The following LGR6 variants were observed in gnomAD, a reference collection of about 807,000 sequenced individuals.
The protein encoded by LGR6 is leucine rich repeat containing G protein-coupled receptor 6.
LGR6 carries 45 observed loss-of-function variants against 69.4 expected under a neutral mutation model. That is an observed-to-expected ratio of 0.65 (90% CI 0.51 to 0.83). The LOEUF is 0.83. Among genes scored for constraint, LGR6 ranks in the 40% least tolerant of loss-of-function variants. The probability of loss-of-function intolerance (pLI) is 0.00; values close to 1 mark genes in which losing one functional copy is unlikely to be tolerated. For missense variants in LGR6, 1,108 were observed against 1,246.7 expected, an observed-to-expected ratio of 0.89 and a Z score of 1.68; for synonymous variants, 538 against 555.0, an observed-to-expected ratio of 0.97 and a Z score of 0.43.
chr1:202,217,121 G>C (rs79509091), intron 1 of LGR6, among the ~76,000 whole-genome samples: 12,040 of 152,262 alleles, frequency 0.079, 627 homozygotes, highest in African/African-American at 0.13. Context: ...GCTGAGGGTG[G>C]GGACCGGCCC....
In LGR6 at chr1:202,297,393, C is replaced by T. The variant is rs1667238693; in HGVS notation, c.717-115C>T. On this transcript the variant is annotated intron_variant, in intron 6 of 17. Transcript: ENST00000367278. ...TCCAGACATTGGCCGCTGGATCCAA[C>T]AGATTGGAAAACCCATCTCCCTGGC... 5.2e-6 allele frequency: 4 copies of T among 771,276 alleles called. No individual in the cohort carries two copies. The East Asian group carries it at 1.0e-4, about 19-fold the overall frequency. The allele number at this position is 771,276 out of a possible 1,614,324, so 47.8% of individuals were successfully genotyped here. A position where few individuals can be genotyped will look rare whatever the true frequency, so the allele number is the denominator to read the frequency against.
At chr1:202,241,721 G>C (rs371770099) in intron 4 of LGR6, among the ~76,000 whole-genome samples, 1 of 152,118 alleles carries the variant, frequency 6.6e-6, no homozygotes, top group African/African-American at 2.4e-5. Flanking sequence ...TGGGGGCTGC[G>C]CTGGTCTGGG....
chr1:202,214,180 C>T (rs10920362), intron 1 of LGR6: 677,516 of 1,522,474 alleles, frequency 0.45, 152,911 homozygotes, highest in African/African-American at 0.48. Context: ...GAGGGCCGCT[C>T]AGCGAGGGCG....
chr1:202,238,642 C>T (rs1558026458), intron 4 of LGR6, among the ~76,000 whole-genome samples: 3 of 151,966 alleles, frequency 2.0e-5, no homozygotes, highest in Non-Finnish European at 4.4e-5. Flanking sequence ...CCAGGCTGGT[C>T]TCGAACTCCT....
At chr1:202,229,657 T>G (rs557256929) in intron 3 of LGR6, among the ~76,000 whole-genome samples, 1 of 152,334 alleles carries the variant, frequency 6.6e-6, no homozygotes, top group South Asian at 2.1e-4. Context: ...TTTCTGCAAA[T>G]GGCACCCTTG....
At chr1:202,207,546 G>A (rs1420095601) in intron 1 of LGR6, among the ~76,000 whole-genome samples, 1 of 152,168 alleles carries the variant, frequency 6.6e-6, no homozygotes, top group African/African-American at 2.4e-5. Context: ...TTGAAAGGGA[G>A]GGCAGAGGGC....
At chr1:202,204,741 A>G (rs1459837501) in intron 1 of LGR6, among the ~76,000 whole-genome samples, 9 of 29,896 alleles carry the variant, frequency 3.0e-4, no homozygotes, top group Non-Finnish European at 5.3e-4. Context: ...ACACACACAC[A>G]CCTCCAAACA....
chr1:202,304,733 T>A, intron 11 of LGR6, 103 bp downstream of exon 11: 2 of 888,636 alleles, frequency 2.3e-6, no homozygotes, highest in Non-Finnish European at 3.6e-6. Context: ...TTTCCCTTCC[T>A]GGAGAATGGA....
At chr1:202,247,390 C>T (rs1662804462) in intron 4 of LGR6, among the ~76,000 whole-genome samples, 1 of 152,218 alleles carries the variant, frequency 6.6e-6, no homozygotes, top group African/African-American at 2.4e-5. Context: ...CTGGGACATT[C>T]TGCGCCCTCT....
At chr1:202,209,740 G>A (rs563739703) in intron 1 of LGR6, among the ~76,000 whole-genome samples, 7 of 152,262 alleles carry the variant, frequency 4.6e-5, no homozygotes, top group South Asian at 2.1e-4. Flanking sequence ...GCATAGCATC[G>A]GCATCATCTG....
At chr1:202,242,890 C>T (rs936429433) in intron 4 of LGR6, among the ~76,000 whole-genome samples, 2 of 152,244 alleles carry the variant, frequency 1.3e-5, no homozygotes, top group African/African-American at 4.8e-5. Context: ...GGAACCAACA[C>T]TTGGCTAGCA....
rs147153192 is a variant in LGR6 at position 202,260,642 on chromosome 1, A to G, written c.429-15664A>G. On this transcript the variant is annotated intron_variant, in intron 4 of 17. Transcript: ENST00000367278. ...CAAATTCCCCATTCTTGAGTTCTTCATTTAAAAATTATCTCTCTTGATTGC... is the reference window on the plus strand; with the variant it reads ...CAAATTCCCCATTCTTGAGTTCTTCGTTTAAAAATTATCTCTCTTGATTGC... 3.6e-3 allele frequency among the ~76,000 whole-genome samples: 550 copies of G among 152,334 alleles called. 5 individuals are homozygous for G. The highest frequency in any genetic ancestry group is 0.013 in the African/African-American group (527 of 41,574).
At chr1:202,272,379 G>A (rs764595304) in intron 4 of LGR6, among the ~76,000 whole-genome samples, 14 of 152,070 alleles carry the variant, frequency 9.2e-5, no homozygotes, top group Non-Finnish European at 2.1e-4. Context: ...TTTCTTCCAT[G>A]TGCTCATTCC....
intron 7 of LGR6, 129 bp downstream of exon 7, chr1:202,297,705 C>A (rs1667264647): frequency 1.5e-6 from 1 of 686,734 alleles, no homozygotes; most frequent in South Asian, 2.0e-5. Flanking sequence ...AGCTGTCCCC[C>A]ACCCTCCCGC....
rs546908274 is a variant in LGR6 at position 202,205,094 on chromosome 1, A to G, written c.212+10893A>G. On this transcript the variant is annotated intron_variant, in intron 1 of 17. Coordinates refer to ENST00000367278, the MANE Select transcript of LGR6 (RefSeq NM_001017403.2). Reference sequence around the variant, plus strand: ...ACACACACCTCCTCCACACACACACACGTACCTCCAAACAAACACACACCT... The same window carrying G: ...ACACACACCTCCTCCACACACACACGCGTACCTCCAAACAAACACACACCT... Among the ~76,000 whole-genome samples, 8 of 22,874 alleles carry G rather than the reference A, an allele frequency of 3.5e-4. 1 individual carries two copies. In the South Asian group the frequency reaches 0.011, roughly 32 times the overall value. 15.0% of individuals were successfully genotyped at this position (22,874 alleles called of 152,430 possible).
At chr1:202,204,586 T>A (rs1659004464) in intron 1 of LGR6, among the ~76,000 whole-genome samples, 1 of 76,358 alleles carries the variant, frequency 1.3e-5, no homozygotes, top group East Asian at 4.1e-4. Flanking sequence ...AACACACACC[T>A]CCTTCAAACA....
intron 1 of LGR6, 106 bp from the exon 2 acceptor site, chr1:202,225,317 T>G (rs1660433851): frequency 2.1e-6 from 2 of 938,974 alleles, no homozygotes; most frequent in Admixed American, 1.7e-5. Flanking sequence ...TGGTGGGGGG[T>G]ACTGTGGGAG....
intron 4 of LGR6, among the ~76,000 whole-genome samples, chr1:202,265,339 G>A: frequency 6.6e-6 from 1 of 152,186 alleles, no homozygotes; most frequent in East Asian, 1.9e-4. Context: ...GCTCTTCAGG[G>A]CTTGTGTGCT....
At chr1:202,304,400 G>T (rs192750335) in intron 10 of LGR6, among the ~76,000 whole-genome samples, 159 bp from the exon 11 acceptor site, 24 of 152,136 alleles carry the variant, frequency 1.6e-4, no homozygotes, top group African/African-American at 5.8e-4. Flanking sequence ...GCTCGTTTTT[G>T]TCCCCACAGC....
Sources: gnomAD v4.1 joint callset for allele counts (sites outside exome capture counted in the v4.1 genomes callset) on GRCh38, gnomAD v4.1.1 for gene constraint, MANE v1.5 for transcripts, NCBI Gene and HGNC (gene_info 2026-07-23, HGNC 2026-07-21) for gene names.